NUF2: variants seen among roughly 807,000 people sequenced by gnomAD.
NUF2 encodes NUF2 component of NDC80 kinetochore complex, also known as kinetochore protein Nuf2.
NUF2 carries 34 observed loss-of-function variants against 61.8 expected under a neutral mutation model. The ratio of observed to expected loss-of-function variants is 0.55; its 90% CI spans 0.42 to 0.73. The LOEUF is 0.73. NUF2 is among the 30% of genes least tolerant of loss of function. The pLI, the probability that NUF2 is intolerant of heterozygous loss-of-function variation, is 0.00. For synonymous variants in NUF2, 172 were observed against 181.6 expected (o/e 0.95, Z 0.42); for missense variants, 445 against 539.1 (o/e 0.83, Z 1.73).
At chr1:163,340,142 T>C in intron 8 of NUF2, 1 of 485,596 alleles carries the variant, frequency 2.1e-6, no homozygotes. Flanking sequence ...AGGGCTACAA[T>C]GTTAGGACAT....
chr1:163,333,443 A>T (rs1177220611), intron 5 of NUF2, among the ~76,000 whole-genome samples: 8 of 151,864 alleles, frequency 5.3e-5, no homozygotes, highest in African/African-American at 9.7e-5. Flanking sequence ...ATCCACCTTT[A>T]TACTATTTGT....
intron 13 of NUF2, 128 bp downstream of exon 13, chr1:163,349,208 CTT>C (rs1651231330): frequency 4.1e-6 from 3 of 732,858 alleles, no homozygotes; most frequent in Non-Finnish European, 6.6e-6. Context: ...ATTATTTACT[CTT>C]TATTCTTGTT....
intron 7 of NUF2, 92 bp downstream of exon 7, chr1:163,338,185 G>T: frequency 8.2e-6 from 7 of 854,628 alleles, no homozygotes; most frequent in East Asian, 2.7e-5. Flanking sequence ...TCCACCTTAA[G>T]TCTCTTTTAT....
Position 163,343,852 on chromosome 1 carries a change from G to C in NUF2, c.789G>C (p.Gln263His). The C allele has an allele frequency of 7.0e-7, 1 of 1,421,422 alleles. No individual in the cohort carries two copies. Among genetic ancestry groups the C allele is most frequent in the Non-Finnish European group, 9.2e-7 (1 of 1,081,882 alleles). 88.1% of individuals were successfully genotyped at this position (1,421,422 alleles called of 1,614,324 possible). The change falls in exon 10 of 14, where the codon CAG (glutamine) becomes CAC (histidine). Residue 263 changes from glutamine (Q) to histidine (H), a missense_variant. Gln to His is a conservative substitution (Grantham distance 24, BLOSUM62 0). Transcript: ENST00000271452. ...NYKEKMKDTV[Q>H]KLKNARQEVV... ...AAGAAAAAATGAAAGATACGGTCCA[G>C]AAGCTTAAAAATGCCAGAGTGAGTT...
intron 1 of NUF2, among the ~76,000 whole-genome samples, chr1:163,324,671 G>T (rs1165429957): frequency 6.6e-6 from 1 of 152,106 alleles, no homozygotes; most frequent in East Asian, 1.9e-4. Context: ...TAAGGGAGTG[G>T]CTGAGAGCAA....
chr1:163,342,832 T>A (rs1319483054), intron 9 of NUF2, among the ~76,000 whole-genome samples: 2 of 152,190 alleles, frequency 1.3e-5, no homozygotes, highest in African/African-American at 4.8e-5. Context: ...TAGAGGCACA[T>A]AATCATGTGT....
chr1:163,335,801 T>G (rs1349779511), intron 5 of NUF2, among the ~76,000 whole-genome samples: 1 of 152,222 alleles, frequency 6.6e-6, no homozygotes, highest in Non-Finnish European at 1.5e-5. Context: ...CTCTCTGGAC[T>G]TTATTTTAGA....
At chr1:163,341,438 C>T (rs1650942128) in intron 9 of NUF2, among the ~76,000 whole-genome samples, 1 of 151,914 alleles carries the variant, frequency 6.6e-6, no homozygotes. Context: ...TCAAACTCTT[C>T]ACCTCGTGAT....
At chr1:163,334,927 A>AT (rs1341808028) in intron 5 of NUF2, among the ~76,000 whole-genome samples, 4 of 151,856 alleles carry the variant, frequency 2.6e-5, no homozygotes, top group South Asian at 2.1e-4. Context: ...GTACTATGCC[A>AT]TTTTTTGTGT....
intron 13 of NUF2, among the ~76,000 whole-genome samples, chr1:163,350,110 G>A (rs912579991): frequency 2.0e-5 from 3 of 151,792 alleles, no homozygotes; most frequent in Non-Finnish European, 4.4e-5. Flanking sequence ...GACCATCCTG[G>A]CTAACACCGT....
At chr1:163,333,743 A>G (rs184179435) in intron 5 of NUF2, among the ~76,000 whole-genome samples, 14 of 152,242 alleles carry the variant, frequency 9.2e-5, no homozygotes, top group Non-Finnish European at 1.0e-4. Context: ...CATAAATTTT[A>G]CTTTTACAGA....
intron 9 of NUF2, among the ~76,000 whole-genome samples, chr1:163,342,152 A>G (rs367799730): frequency 1.3e-5 from 2 of 152,052 alleles, no homozygotes; most frequent in East Asian, 1.9e-4. Context: ...TTGTACTTTT[A>G]TAGTTTCCTT....
chr1:163,350,912 C>T (rs1282723005), intron 13 of NUF2, among the ~76,000 whole-genome samples: 1 of 152,110 alleles, frequency 6.6e-6, no homozygotes, highest in Non-Finnish European at 1.5e-5. Flanking sequence ...AATTCTGTCT[C>T]TTATTTTGAG....
chr1:163,338,603 T>G (rs1379601769), intron 7 of NUF2, among the ~76,000 whole-genome samples: 1 of 152,152 alleles, frequency 6.6e-6, no homozygotes, highest in African/African-American at 2.4e-5. Flanking sequence ...TTCTAATTTA[T>G]AGATGTCTTT....
chr1:163,335,353 C>T (rs539897049), intron 5 of NUF2, among the ~76,000 whole-genome samples: 2 of 152,238 alleles, frequency 1.3e-5, no homozygotes, highest in African/African-American at 2.4e-5. Context: ...GTATAGAATT[C>T]TTAGTTGACA....
In NUF2 at chr1:163,328,213, G is replaced by T; in HGVS notation, c.199-15G>T. 1.3e-6 allele frequency: 2 copies of T among 1,577,426 alleles called. No homozygotes were observed. Among genetic ancestry groups the T allele is most frequent in the Non-Finnish European group, 8.7e-7 (1 of 1,153,814 alleles). ...ATCAATGTGTAATGTCGATTTTGTG[G>T]TTTATTGCATTTAGATGCCAGTGAA... is the stretch of plus-strand genomic sequence containing the variant. On this transcript the variant is annotated splice_polypyrimidine_tract_variant and intron_variant, in intron 3 of 13. Coordinates refer to ENST00000271452, the MANE Select transcript of NUF2 (RefSeq NM_145697.3).
At position 163,327,469 on chromosome 1, in the gene NUF2, A is replaced by C; in HGVS notation, c.124-19A>C. ...TTAGAGTTATGCATCGGAGTATTCA[A>C]AGTTGTTTTTTGCTGTAGCCTGAAG... is the stretch of plus-strand genomic sequence containing the variant. On this transcript the variant is annotated intron_variant, in intron 2 of 13. Transcript: ENST00000271452. 6.9e-7 allele frequency: 1 copy of C among 1,450,592 alleles called. No homozygotes were observed. Among genetic ancestry groups the C allele is most frequent in the Non-Finnish European group, 9.7e-7 (1 of 1,032,254 alleles). 89.9% of individuals were successfully genotyped at this position (1,450,592 alleles called of 1,614,324 possible).
intron 10 of NUF2, among the ~76,000 whole-genome samples, chr1:163,344,304 G>A (rs1651046617): frequency 6.6e-6 from 1 of 151,932 alleles, no homozygotes; most frequent in Non-Finnish European, 1.5e-5. Context: ...ATGTCTAACT[G>A]CTTGAAAAAT....
rs539078941 is a variant in NUF2, at chr1:163,350,227, G to A, written c.1260+1147G>A. On this transcript the variant is annotated intron_variant, in intron 13 of 13. Transcript: ENST00000271452. ...TGAGGCAGGAGAATGGCGTGAACCC[G>A]GGAGGCAGAGCTTGCAGTGAGCTGA... 6.7e-3 allele frequency among the ~76,000 whole-genome samples: 1,011 copies of A among 151,724 alleles called. 6 individuals carry two copies. Among genetic ancestry groups the A allele is most frequent in the Non-Finnish European group, 0.011 (739 of 67,878 alleles).
Sources: allele counts gnomAD v4.1 joint callset (sites outside exome capture counted in the v4.1 genomes callset), GRCh38; gene constraint gnomAD v4.1.1; transcripts MANE v1.5; gene names NCBI Gene and HGNC (gene_info 2026-07-23, HGNC 2026-07-21).